The following DAB2IP variants were observed in gnomAD, a reference collection of about 807,000 sequenced individuals.
DAB2IP encodes the protein disabled homolog 2-interacting protein.
DAB2IP carries 28 observed loss-of-function variants against 107.2 expected under a neutral mutation model. That is an observed-to-expected ratio of 0.26 (90% confidence interval 0.19 to 0.36). DAB2IP has a LOEUF of 0.36. Among genes scored for constraint, DAB2IP ranks in the 10% least tolerant of loss-of-function variants. The pLI is 1.00. For synonymous variants in DAB2IP, 755 were observed against 706.4 expected (o/e 1.07, Z -1.09); for missense variants, 1,400 against 1,644.7 (o/e 0.85, Z 2.57).
At chr9:121,722,182 G>A (rs529621300) in intron 3 of DAB2IP, among the ~76,000 whole-genome samples, 1 of 152,326 alleles carries the variant, frequency 6.6e-6, no homozygotes, top group East Asian at 1.9e-4. Context: ...CGTTGTCCAT[G>A]CATGCATGTG....
At position 121,585,428 on chromosome 9, in the gene DAB2IP, G is replaced by C. The variant is rs1830290952; in HGVS notation, c.40+18200G>C. 2.0e-5 allele frequency among the ~76,000 whole-genome samples: 3 copies of C among 152,276 alleles called. No individual in the cohort carries two copies. In the East Asian group the frequency reaches 5.8e-4, roughly 29 times the overall value. ...AATAGTAGCATCCACCTCCCTCACA[G>C]GATGTAATGAGTTGATACGGATTAA... On this transcript the variant is annotated intron_variant, in intron 1 of 16. Coordinates refer to the DAB2IP transcript ENST00000259371.
chr9:121,711,622 A>C (rs981865379), intron 3 of DAB2IP, among the ~76,000 whole-genome samples: 1 of 152,224 alleles, frequency 6.6e-6, no homozygotes, highest in Admixed American at 6.5e-5. Flanking sequence ...AAACTCTGGA[A>C]GTGTTCCCTG....
rs528444018 is a variant in DAB2IP, at chr9:121,725,280, A to G, written c.362+25822A>G. On this transcript the variant is annotated intron_variant, in intron 3 of 15. Coordinates refer to ENST00000408936, the Ensembl canonical transcript of DAB2IP. ...ATCTCCTGTGATTCTCGACACAGCC[A>G]TTGTCAGGCGTCCATGGAAAGATTG... 3.9e-5 allele frequency among the ~76,000 whole-genome samples: 6 copies of G among 152,270 alleles called. No individual in the cohort carries two copies. The East Asian group carries it at 7.7e-4, about 20-fold the overall frequency.
At position 121,782,395 on chromosome 9, in the gene DAB2IP, AAG is replaced by A. The variant is rs776076049; in HGVS notation, c.3472_3473del (p.Arg1158ValfsTer7). 3.1e-6 allele frequency: 5 copies of A among 1,614,058 alleles called. No homozygotes were observed. The highest frequency in any genetic ancestry group is 1.1e-5 in the South Asian group (1 of 91,068). On this transcript the variant is annotated frameshift_variant, in exon 16 of 16. Transcript: ENST00000408936. LOFTEE classifies it high-confidence loss of function. The surrounding 1 kb of genome is among the most constrained non-coding windows in gnomAD (Gnocchi z 6.1). ...CTCATGAGTGCCCTGACCCAGCTGA[AAG>A]AGAGGTACAGCATGCAAGCCCGTAA...
At chr9:121,719,480 C>T (rs1036316032) in intron 3 of DAB2IP, among the ~76,000 whole-genome samples, 2 of 152,198 alleles carry the variant, frequency 1.3e-5, no homozygotes, top group Admixed American at 6.5e-5. Flanking sequence ...TACTCTCTTC[C>T]TGGGACAGTC....
rs538249999 is a variant in DAB2IP, at chr9:121,603,672, C to T, written c.40+36444C>T. On this transcript the variant is annotated intron_variant, in intron 1 of 16. Transcript: ENST00000259371. Reference sequence around the variant, plus strand: ...TCACCTGGAAGCTTGAAGACCTGGGCCACGATCAGGCTGTGTGATCTTGGG... The same window carrying T: ...TCACCTGGAAGCTTGAAGACCTGGGTCACGATCAGGCTGTGTGATCTTGGG... Among the ~76,000 whole-genome samples, 20 of 152,292 alleles carry T rather than the reference C, an allele frequency of 1.3e-4. No homozygotes were observed. The South Asian group carries it at 3.7e-3, about 28-fold the overall frequency.
intron 1 of DAB2IP, among the ~76,000 whole-genome samples, chr9:121,671,471 A>G (rs1441661217): frequency 6.6e-6 from 1 of 152,218 alleles, no homozygotes; most frequent in Non-Finnish European, 1.5e-5. Context: ...ACATATTCAC[A>G]GGTTCTGGGA....
At chr9:121,642,029 C>CCCTTTCTTTCTTTCTTTCTT (rs1832357007) in intron 1 of DAB2IP, among the ~76,000 whole-genome samples, 1 of 26,720 alleles carries the variant, frequency 3.7e-5, no homozygotes, top group Non-Finnish European at 7.4e-5. Flanking sequence ...CTCTCTCTCT[C>CCCTTTCTTTCTTTCTTTCTT]TCTTTCTTTC....
chr9:121,579,006 T>C (rs1830130753), intron 1 of DAB2IP, among the ~76,000 whole-genome samples: 1 of 152,038 alleles, frequency 6.6e-6, no homozygotes, highest in Non-Finnish European at 1.5e-5. Flanking sequence ...CAGGGCTTTC[T>C]CTTGGGGCAC....
chr9:121,750,496 C>T (rs760694628), intron 3 of DAB2IP, among the ~76,000 whole-genome samples: 12 of 152,186 alleles, frequency 7.9e-5, no homozygotes, highest in South Asian at 4.1e-4. Flanking sequence ...TAAAACCAGA[C>T]GAGCCTGGCC....
At chr9:121,783,815 G>T in exon 16 of DAB2IP, 1 of 543,744 alleles carries the variant, frequency 1.8e-6, no homozygotes, top group East Asian at 3.0e-5. Context: ...TAGCTTATCT[G>T]CCCCTCCCCC....
rs1444226860 is a variant in DAB2IP, at chr9:121,776,548, C to T, written c.3314+157C>T. ...CTGGGCAGTGGGAGCAGCGTGAGCA[C>T]AGGCCTGGAGGCAGGAGGTGGCCTG... On this transcript the variant is annotated intron_variant, in intron 14 of 15. Coordinates refer to ENST00000408936, the Ensembl canonical transcript of DAB2IP. The surrounding 1 kb of genome is among the most constrained non-coding windows in gnomAD (Gnocchi z 5.4). Among the ~76,000 whole-genome samples the T allele has an allele frequency of 6.6e-6, 1 of 152,044 alleles. No individual in the cohort carries two copies. Among genetic ancestry groups the T allele is most frequent in the Non-Finnish European group, 1.5e-5 (1 of 67,990 alleles).
At chr9:121,607,073 C>T (rs573258693) in intron 1 of DAB2IP, among the ~76,000 whole-genome samples, 1 of 152,044 alleles carries the variant, frequency 6.6e-6, no homozygotes, top group Non-Finnish European at 1.5e-5. Flanking sequence ...CCATGCCTGG[C>T]CGGCAGTGTT....
At chr9:121,738,559 TCC>T (rs1832095186) in intron 3 of DAB2IP, among the ~76,000 whole-genome samples, 1 of 152,142 alleles carries the variant, frequency 6.6e-6, no homozygotes, top group Non-Finnish European at 1.5e-5. Flanking sequence ...TCAAGAAGCC[TCC>T]CTAACTTCTC....
chr9:121,612,765 TG>T (rs1451436393), intron 1 of DAB2IP, among the ~76,000 whole-genome samples: 2 of 152,052 alleles, frequency 1.3e-5, no homozygotes, highest in Non-Finnish European at 1.5e-5. Flanking sequence ...TACGTGTTGG[TG>T]GGGGGAGGTA....
At position 121,779,339 on chromosome 9, in the gene DAB2IP, A is replaced by G. The variant is rs563224294; in HGVS notation, c.3315-2125A>G. Among the ~76,000 whole-genome samples, 10 of 152,262 alleles carry G rather than the reference A, an allele frequency of 6.6e-5. No homozygotes were observed. The South Asian group carries it at 1.9e-3, about 28-fold the overall frequency. ...TGTTTTCATGTCCTTGTCTAATTCT[A>G]TCATCTGTGACATCTGAGTCTGTTT... is the stretch of plus-strand genomic sequence containing the variant. On this transcript the variant is annotated intron_variant, in intron 14 of 15. Transcript: ENST00000408936.
intron 1 of DAB2IP, among the ~76,000 whole-genome samples, chr9:121,618,105 G>C (rs1277417965): frequency 6.6e-6 from 1 of 152,150 alleles, no homozygotes. Context: ...AGAGTGAAAG[G>C]GATTTTATGG....
chr9:121,608,809 C>G (rs1466613978), intron 1 of DAB2IP, among the ~76,000 whole-genome samples: 4 of 152,232 alleles, frequency 2.6e-5, no homozygotes, highest in Admixed American at 2.6e-4. Context: ...CCTGACCTCT[C>G]CTTATGGAAC....
chr9:121,729,843 G>A (rs576560503), intron 3 of DAB2IP, among the ~76,000 whole-genome samples: 14 of 152,356 alleles, frequency 9.2e-5, no homozygotes, highest in Non-Finnish European at 1.9e-4. Flanking sequence ...TTTTAAGACA[G>A]ATGTGGCTTC....
Sources: gnomAD v4.1 joint callset for allele counts (sites outside exome capture counted in the v4.1 genomes callset) on GRCh38, gnomAD v4.1.1 for gene constraint, Gnocchi (gnomAD v3.1) non-coding constraint, MANE v1.5 for transcripts, NCBI Gene and HGNC (gene_info 2026-07-23, HGNC 2026-07-21) for gene names.